Variants in CUL1 observed in about 807,000 individuals in gnomAD.
The protein encoded by CUL1 is cullin 1.
CUL1 carries 24 observed loss-of-function variants against 118.0 expected under a neutral mutation model. The ratio of observed to expected loss-of-function variants is 0.20; its 90% confidence interval spans 0.15 to 0.29. CUL1 has a LOEUF of 0.29. Among genes scored for constraint, CUL1 ranks in the 10% least tolerant of loss-of-function variants. CUL1 has a pLI of 1.00. For synonymous variants in CUL1, 332 were observed against 340.4 expected (o/e 0.98, Z 0.27); for missense variants, 361 against 933.8 (o/e 0.39, Z 7.99).
At chr7:148,767,580 T>A (rs781774967) in intron 8 of CUL1, 39 bp from the exon 9 acceptor site, 4 of 1,598,812 alleles carry the variant, frequency 2.5e-6, no homozygotes, top group Non-Finnish European at 3.4e-6. Context: ...ATATGCAAAA[T>A]TTTTTTCAGT....
chr7:148,775,805 T>C (rs1433544553), intron 9 of CUL1, among the ~76,000 whole-genome samples: 2 of 150,898 alleles, frequency 1.3e-5, no homozygotes, highest in Admixed American at 1.3e-4. Context: ...AATACATTTT[T>C]AAATCTATAT....
chr7:148,736,486 A>G lies in CUL1; in HGVS notation c.140+6224A>G, dbSNP rs138722394. ...CCACACCTAATTTTTTATTTTTTGC[A>G]GACATGGAGTCTTGCTATGTTGCCC... On this transcript the variant is annotated intron_variant, in intron 2 of 21. Coordinates refer to ENST00000325222, the MANE Select transcript of CUL1 (RefSeq NM_003592.3). 2.7e-3 allele frequency among the ~76,000 whole-genome samples: 418 copies of G among 152,062 alleles called. 2 individuals are homozygous for G. The highest frequency in any genetic ancestry group is 8.6e-3 in the African/African-American group (357 of 41,478).
intron 1 of CUL1, among the ~76,000 whole-genome samples, chr7:148,717,631 T>C (rs2129459204): frequency 6.6e-6 from 1 of 152,156 alleles, no homozygotes; most frequent in East Asian, 1.9e-4. Flanking sequence ...ATAAAGACCT[T>C]GCATCCTCTT....
At chr7:148,710,758 T>G (rs1798026045) in intron 1 of CUL1, among the ~76,000 whole-genome samples, 1 of 151,228 alleles carries the variant, frequency 6.6e-6, no homozygotes, top group Non-Finnish European at 1.5e-5. Flanking sequence ...TTCTGGTTGG[T>G]TTTCAAGCAA....
At chr7:148,767,812 A>G (rs1216925188) in intron 9 of CUL1, 63 bp downstream of exon 9, 9 of 1,492,240 alleles carry the variant, frequency 6.0e-6, no homozygotes, top group Non-Finnish European at 8.3e-6. Context: ...CTGCAAGCAT[A>G]TGTTATGCGT....
chr7:148,780,799 A>G (rs1475362968), intron 9 of CUL1, among the ~76,000 whole-genome samples: 5 of 152,138 alleles, frequency 3.3e-5, no homozygotes, highest in African/African-American at 1.2e-4. Context: ...ACCCATTACT[A>G]CTTTATTTTT....
At chr7:148,786,866 G>T in intron 12 of CUL1, 123 bp from the exon 13 acceptor site, 1 of 1,327,366 alleles carries the variant, frequency 7.5e-7, no homozygotes, top group East Asian at 2.3e-5. Flanking sequence ...AAACGTTGGC[G>T]TACAGACCTG....
At chr7:148,729,738 T>A (rs1798695757) in intron 1 of CUL1, among the ~76,000 whole-genome samples, 1 of 152,212 alleles carries the variant, frequency 6.6e-6, no homozygotes, top group East Asian at 1.9e-4. Context: ...TGTGCAAACT[T>A]TTACCCAGGT....
intron 7 of CUL1, among the ~76,000 whole-genome samples, chr7:148,763,871 A>G (rs1483951504): frequency 1.3e-5 from 2 of 152,262 alleles, no homozygotes; most frequent in Non-Finnish European, 2.9e-5. Context: ...AATACTCTGC[A>G]AATTCTAGCC....
chr7:148,742,305 A>G (rs1301706218), intron 2 of CUL1, among the ~76,000 whole-genome samples: 1 of 152,206 alleles, frequency 6.6e-6, no homozygotes, highest in Non-Finnish European at 1.5e-5. Context: ...CCTCACAATC[A>G]TGGTAGAAGG....
intron 2 of CUL1, among the ~76,000 whole-genome samples, chr7:148,733,775 A>G (rs552723515): frequency 9.6e-4 from 146 of 152,296 alleles, no homozygotes; most frequent in African/African-American, 3.4e-3. Flanking sequence ...AAAAGGAGGG[A>G]TTCTTTTCCT....
Position 148,786,605 on chromosome 7 carries a change from T to A in CUL1, c.1347+6T>A. The A allele has an allele frequency of 6.2e-7, 1 of 1,612,846 alleles. No individual in the cohort carries two copies. The highest frequency in any genetic ancestry group is 8.5e-7 in the Non-Finnish European group (1 of 1,179,050). On this transcript the variant is annotated splice_donor_region_variant and intron_variant, in intron 12 of 21. Coordinates refer to ENST00000325222, the MANE Select transcript of CUL1 (RefSeq NM_003592.3). ...AAGACACACTCAATCAAGTGGTAAG[T>A]GCTTCATGAGCATACCCATTTCCAG...
At chr7:148,711,151 ATTC>A (rs895636112) in intron 1 of CUL1, among the ~76,000 whole-genome samples, 1 of 152,230 alleles carries the variant, frequency 6.6e-6, no homozygotes, top group Admixed American at 6.5e-5. Flanking sequence ...CAAATTATTT[ATTC>A]TTGACTGATT....
intron 7 of CUL1, among the ~76,000 whole-genome samples, chr7:148,763,793 G>A (rs929176422): frequency 2.0e-5 from 3 of 152,156 alleles, no homozygotes; most frequent in African/African-American, 4.8e-5. Context: ...GAGCAATTGT[G>A]TTTACATTAC....
chr7:148,776,592 C>T (rs985320225), intron 9 of CUL1, among the ~76,000 whole-genome samples: 7 of 152,080 alleles, frequency 4.6e-5, no homozygotes, highest in Non-Finnish European at 4.4e-5. Context: ...GCTGGGATTA[C>T]AGGTGTGATC....
At chr7:148,776,954 A>G (rs991364683) in intron 9 of CUL1, among the ~76,000 whole-genome samples, 8 of 152,216 alleles carry the variant, frequency 5.3e-5, no homozygotes, top group Admixed American at 3.9e-4. Context: ...CATTCTCTTC[A>G]GAGAAGTCAG....
intron 2 of CUL1, among the ~76,000 whole-genome samples, chr7:148,749,143 G>A (rs532203831): frequency 6.6e-6 from 1 of 152,300 alleles, no homozygotes; most frequent in East Asian, 1.9e-4. Context: ...TAGTCTGGGC[G>A]TGGTGGCTCA....
chr7:148,720,816 A>G (rs1193417279), intron 1 of CUL1, among the ~76,000 whole-genome samples: 5 of 152,216 alleles, frequency 3.3e-5, no homozygotes, highest in Non-Finnish European at 5.9e-5. Flanking sequence ...AGGTGCCACA[A>G]CAGATCTGGT....
intron 2 of CUL1, among the ~76,000 whole-genome samples, chr7:148,748,967 C>A (rs1799393363): frequency 6.6e-6 from 1 of 152,204 alleles, no homozygotes; most frequent in African/African-American, 2.4e-5. Context: ...GTGATGCAGC[C>A]AAGTGGCATG....
Sources: gnomAD v4.1 joint callset for allele counts (sites outside exome capture counted in the v4.1 genomes callset) on GRCh38, gnomAD v4.1.1 for gene constraint, MANE v1.5 for transcripts, NCBI Gene and HGNC (gene_info 2026-07-23, HGNC 2026-07-21) for gene names.